GPR158: variants seen among roughly 807,000 people sequenced by gnomAD.
GPR158 encodes the protein G protein-coupled receptor 158, also known as metabotropic glycine receptor.
Under a neutral mutation model 78.2 loss-of-function variants are expected in GPR158, and 30 were observed. That is an observed-to-expected ratio of 0.38 (90% CI 0.29 to 0.52). The LOEUF (loss-of-function observed/expected upper bound fraction) is 0.52. Among genes scored for constraint, GPR158 ranks in the 20% least tolerant of loss-of-function variants. The pLI is 0.83. For missense variants in GPR158, 1,463 were observed against 1,523.5 expected, an observed-to-expected ratio of 0.96 and a Z score of 0.66; for synonymous variants, 581 against 591.1, an observed-to-expected ratio of 0.98 and a Z score of 0.25.
In GPR158 at chr10:25,202,631, C is replaced by T. The variant is rs146857108; in HGVS notation, c.903-18421C>T. Among the ~76,000 whole-genome samples the T allele has an allele frequency of 7.0e-3, 1,059 of 152,262 alleles. 10 individuals carry two copies. Among genetic ancestry groups the T allele is most frequent in the African/African-American group, 0.024 (1,010 of 41,542 alleles). On this transcript the variant is annotated intron_variant, in intron 1 of 10. Transcript: ENST00000376351. ...AGTATTTCCTGGTGTATATGTGCCA[C>T]GTATTCTTAATCCAGTCTATCATTG...
chr10:25,376,059 A>G (rs1420577969), intron 2 of GPR158, among the ~76,000 whole-genome samples: 5 of 151,602 alleles, frequency 3.3e-5, no homozygotes, highest in Admixed American at 3.3e-4. Flanking sequence ...TTTCTTTAGC[A>G]GCATTTTGTA....
chr10:25,578,710 A>C (rs1298542450), intron 7 of GPR158, among the ~76,000 whole-genome samples: 1 of 152,194 alleles, frequency 6.6e-6, no homozygotes, highest in East Asian at 1.9e-4. Flanking sequence ...AGAGCTATCT[A>C]AAGAATAAAG....
intron 5 of GPR158, among the ~76,000 whole-genome samples, chr10:25,518,009 T>G (rs1220000558): frequency 1.1e-5 from 1 of 94,478 alleles, no homozygotes; most frequent in Non-Finnish European, 2.0e-5. Context: ...TCCTGGACTC[T>G]TTTTGGTTGG....
chr10:25,411,533 GC>G (rs1436239933), intron 3 of GPR158, among the ~76,000 whole-genome samples: 3 of 152,094 alleles, frequency 2.0e-5, no homozygotes, highest in Admixed American at 2.0e-4. Context: ...TATTTACTCG[GC>G]ACATAAAAGC....
At chr10:25,574,287 C>T (rs1255349956) in intron 7 of GPR158, among the ~76,000 whole-genome samples, 1 of 151,356 alleles carries the variant, frequency 6.6e-6, no homozygotes, top group Non-Finnish European at 1.5e-5. Flanking sequence ...ATTTTGCATT[C>T]CAAAGAGGAT....
chr10:25,579,082 T>C (rs1837149253), intron 7 of GPR158, among the ~76,000 whole-genome samples: 1 of 150,914 alleles, frequency 6.6e-6, no homozygotes, highest in African/African-American at 2.4e-5. Flanking sequence ...CCTAAATTAA[T>C]GAAGAAAACA....
chr10:25,421,281 C>A (rs1254737296), intron 4 of GPR158, among the ~76,000 whole-genome samples: 1 of 152,086 alleles, frequency 6.6e-6, no homozygotes, highest in Non-Finnish European at 1.5e-5. Flanking sequence ...TATTATCTTC[C>A]ATAGTCCCAA....
intron 2 of GPR158, among the ~76,000 whole-genome samples, chr10:25,316,417 A>C (rs1219320419): frequency 6.6e-6 from 1 of 152,186 alleles, no homozygotes; most frequent in East Asian, 1.9e-4. Flanking sequence ...ATGTTCTAAC[A>C]ACTTGGTGAC....
At chr10:25,323,120 C>T (rs1854978633) in intron 2 of GPR158, among the ~76,000 whole-genome samples, 1 of 152,162 alleles carries the variant, frequency 6.6e-6, no homozygotes, top group Admixed American at 6.5e-5. Flanking sequence ...GCTGGGATTA[C>T]AGTTGTGAGC....
intron 2 of GPR158, among the ~76,000 whole-genome samples, chr10:25,274,497 T>C (rs1407585294): frequency 6.6e-6 from 1 of 152,206 alleles, no homozygotes; most frequent in Non-Finnish European, 1.5e-5. Flanking sequence ...GGTGATTTAA[T>C]GTGACTTGTA....
chr10:25,561,007 G>T (rs1183174899), intron 6 of GPR158, among the ~76,000 whole-genome samples: 3 of 151,892 alleles, frequency 2.0e-5, no homozygotes, highest in Non-Finnish European at 2.9e-5. Context: ...ACTAAATCTT[G>T]AATTAAGAGT....
chr10:25,520,905 T>C (rs1213018254), intron 5 of GPR158, among the ~76,000 whole-genome samples: 6 of 152,192 alleles, frequency 3.9e-5, no homozygotes, highest in Non-Finnish European at 8.8e-5. Flanking sequence ...AGTTGGAGCT[T>C]CCCGGCTTCT....
chr10:25,327,240 G>A (rs551933532), intron 2 of GPR158, among the ~76,000 whole-genome samples: 5 of 151,170 alleles, frequency 3.3e-5, no homozygotes, highest in African/African-American at 1.2e-4. Flanking sequence ...CTTATACACA[G>A]GACACTTACA....
chr10:25,475,099 G>C (rs1324929555), intron 5 of GPR158, among the ~76,000 whole-genome samples: 1 of 152,078 alleles, frequency 6.6e-6, no homozygotes, highest in African/African-American at 2.4e-5. Flanking sequence ...GCAAGTGTCA[G>C]GTTACTAAAT....
intron 2 of GPR158, among the ~76,000 whole-genome samples, chr10:25,265,742 G>T (rs1333259175): frequency 6.6e-6 from 1 of 152,134 alleles, no homozygotes; most frequent in African/African-American, 2.4e-5. Context: ...CCAAGAGGGT[G>T]ATCCTAGATG....
intron 1 of GPR158, among the ~76,000 whole-genome samples, chr10:25,203,707 C>A (rs1852969024): frequency 1.4e-5 from 2 of 144,788 alleles, no homozygotes; most frequent in Non-Finnish European, 3.0e-5. Context: ...CAGCTTTGTT[C>A]TTTTGGCTTA....
chr10:25,578,236 G>A (rs547044342), intron 7 of GPR158, among the ~76,000 whole-genome samples: 1 of 152,130 alleles, frequency 6.6e-6, no homozygotes, highest in Non-Finnish European at 1.5e-5. Context: ...TTGTAGCTAC[G>A]TGCTCCTCAG....
chr10:25,202,475 T>C (rs1396662982), intron 1 of GPR158, among the ~76,000 whole-genome samples: 2 of 152,152 alleles, frequency 1.3e-5, no homozygotes, highest in African/African-American at 4.8e-5. Flanking sequence ...CATTGTTCAA[T>C]TCCCACCTAT....
intron 2 of GPR158, among the ~76,000 whole-genome samples, chr10:25,349,420 C>T (rs1212261949): frequency 4.7e-5 from 6 of 128,060 alleles, no homozygotes; most frequent in African/African-American, 9.2e-5. Flanking sequence ...TGTGTCCCCA[C>T]CAAAATCTCA....
Sources: allele counts gnomAD v4.1 joint callset (sites outside exome capture counted in the v4.1 genomes callset), GRCh38; gene constraint gnomAD v4.1.1; transcripts MANE v1.5; gene names NCBI Gene and HGNC (gene_info 2026-07-23, HGNC 2026-07-21).